The following MANBA variants were observed in gnomAD, a reference collection of about 807,000 sequenced individuals.
MANBA encodes mannosidase beta, also known as beta-mannosidase.
In MANBA, 83 loss-of-function variants were observed where a neutral mutation model predicts 111.1. That is an observed-to-expected ratio of 0.75 (90% confidence interval 0.63 to 0.90). The LOEUF (loss-of-function observed/expected upper bound fraction) is 0.90, where lower values mean the gene tolerates loss of function less well. MANBA is among the 40% of genes least tolerant of loss of function. The pLI, the probability that MANBA is intolerant of heterozygous loss-of-function variation, is 0.00. For synonymous variants in MANBA, 370 were observed against 378.7 expected, an observed-to-expected ratio of 0.98 and a Z score of 0.27; for missense variants, 1,036 against 1,069.0, an observed-to-expected ratio of 0.97 and a Z score of 0.43.
intron 4 of MANBA, among the ~76,000 whole-genome samples, chr4:102,717,316 CA>C (rs1722378284): frequency 6.9e-6 from 1 of 145,576 alleles, no homozygotes; most frequent in Admixed American, 7.0e-5. Context: ...AGGCAGGGAA[CA>C]TACAGTGAGA....
intron 1 of MANBA, among the ~76,000 whole-genome samples, chr4:102,747,389 T>A (rs1723628973): frequency 6.6e-6 from 1 of 152,194 alleles, no homozygotes; most frequent in African/African-American, 2.4e-5. Context: ...TGCTTTTTAT[T>A]CTGGCTTTGC....
At position 102,650,560 on chromosome 4, in the gene MANBA, T is replaced by C. The variant is rs772091430; in HGVS notation, c.1846A>G (p.Lys616Glu). 3.7e-6 allele frequency: 6 copies of C among 1,613,300 alleles called. No individual in the cohort carries two copies. The East Asian group carries it at 1.1e-4, about 30-fold the overall frequency. The change falls in exon 13 of 17, where the codon AAA (lysine) becomes GAA (glutamate). Residue 616 changes from lysine (K) to glutamate (E), a missense_variant. Coordinates refer to ENST00000647097, the MANE Select transcript of MANBA (RefSeq NM_005908.4). ...PQSTDPLRTF[K>E]DTIYLTQVMQ... ...ACCTGAGTAAGGTAGATGGTATCTT[T>C]AAATGTGCGTAATGGATCTGTGCTT...
At chr4:102,643,357 C>A (rs1334062626) in intron 13 of MANBA, among the ~76,000 whole-genome samples, 1 of 152,178 alleles carries the variant, frequency 6.6e-6, no homozygotes, top group East Asian at 1.9e-4. Flanking sequence ...TGCTATGAAT[C>A]TGTGAACAGG....
chr4:102,700,154 T>G (rs1456100080), intron 5 of MANBA, among the ~76,000 whole-genome samples: 1 of 117,488 alleles, frequency 8.5e-6, no homozygotes, highest in East Asian at 2.3e-4. Context: ...GTAGAGGTGT[T>G]TGTAGTATTC....
rs73836859 is a variant in MANBA at position 102,751,614 on chromosome 4, C to G, written c.177+9104G>C. 960 of 540,588 alleles carry G rather than the reference C, an allele frequency of 1.8e-3. 5 individuals carry two copies. Among genetic ancestry groups the G allele is most frequent in the African/African-American group, 0.011 (579 of 52,128 alleles). 33.5% of individuals were successfully genotyped at this position (540,588 alleles called of 1,614,324 possible). ...AATGTCCTTGGTCAAACACATGGAA[C>G]TGGAGAACATGTCATCAGAAGTAGT... On this transcript the variant is annotated intron_variant, in intron 1 of 16. Transcript: ENST00000647097.
chr4:102,634,438 A>C (rs1729522573), intron 16 of MANBA, among the ~76,000 whole-genome samples: 1 of 152,098 alleles, frequency 6.6e-6, no homozygotes, highest in African/African-American at 2.4e-5. Flanking sequence ...AGCTGTGGTG[A>C]AAGTCAGAGA....
intron 1 of MANBA, chr4:102,727,436 A>G (rs1722852609): frequency 3.8e-6 from 5 of 1,298,924 alleles, no homozygotes; most frequent in Non-Finnish European, 4.5e-6. Context: ...GTATAGGCCA[A>G]TTGCACATGG....
chr4:102,664,493 C>T lies in MANBA; in HGVS notation c.1485+192G>A, dbSNP rs571646599. Reference sequence around the variant, plus strand: ...CCTCCCGAGTAGCTGGGACTACAGGCGCCCGCCACCGCGCCCAGCTAATTT... The same window carrying T: ...CCTCCCGAGTAGCTGGGACTACAGGTGCCCGCCACCGCGCCCAGCTAATTT... On this transcript the variant is annotated intron_variant, in intron 11 of 16. Coordinates refer to ENST00000647097, the MANE Select transcript of MANBA (RefSeq NM_005908.4). Among the ~76,000 whole-genome samples, 116 of 152,244 alleles carry T rather than the reference C, an allele frequency of 7.6e-4. 1 individual carries two copies. Among genetic ancestry groups the T allele is most frequent in the African/African-American group, 2.6e-3 (107 of 41,540 alleles).
At chr4:102,733,660 G>T (rs150043416) in intron 1 of MANBA, among the ~76,000 whole-genome samples, 2 of 152,220 alleles carry the variant, frequency 1.3e-5, no homozygotes, top group African/African-American at 4.8e-5. Flanking sequence ...CACACTGGCC[G>T]GTTCTCTCTG....
intron 2 of MANBA, among the ~76,000 whole-genome samples, chr4:102,725,280 A>G (rs900749779): frequency 6.6e-6 from 1 of 152,134 alleles, no homozygotes; most frequent in Non-Finnish European, 1.5e-5. Flanking sequence ...TTTTTTTAAA[A>G]CTAGGTAGAA....
chr4:102,674,286 T>C (rs967756338), intron 7 of MANBA, among the ~76,000 whole-genome samples: 2 of 152,270 alleles, frequency 1.3e-5, no homozygotes, highest in African/African-American at 2.4e-5. Context: ...AAGAGAAATA[T>C]AGAAACCACT....
intron 1 of MANBA, among the ~76,000 whole-genome samples, chr4:102,741,650 A>G (rs1723408376): frequency 1.3e-5 from 2 of 152,236 alleles, no homozygotes; most frequent in Admixed American, 1.3e-4. Flanking sequence ...GGAGACCACT[A>G]TTCTAAGTGA....
At chr4:102,634,222 A>C (rs919601470) in intron 16 of MANBA, among the ~76,000 whole-genome samples, 19 of 152,208 alleles carry the variant, frequency 1.2e-4, no homozygotes, top group African/African-American at 4.3e-4. Flanking sequence ...TCCCATTTTT[A>C]TATCTTGGCA....
In MANBA at chr4:102,690,674, C is replaced by T. The variant is rs756924617; in HGVS notation, c.771G>A (p.Lys257=). ...VGGQVIVAIP[K]LQTQQTYSIE... ...TGCTGTATGTCTGTTGTGTTTGCAA[C>T]TTAGGGATGGCTACGATCACTTGAC... The change falls in exon 6 of 17, where the codon AAG becomes AAA. Residue 257 remains lysine (K), a synonymous_variant. Coordinates refer to ENST00000647097, the MANE Select transcript of MANBA (RefSeq NM_005908.4). 1.2e-6 allele frequency: 2 copies of T among 1,611,842 alleles called. No individual in the cohort carries two copies. The highest frequency in any genetic ancestry group is 4.5e-5 in the East Asian group (2 of 44,798).
At chr4:102,654,056 G>A (rs1730454037) in intron 12 of MANBA, among the ~76,000 whole-genome samples, 1 of 152,162 alleles carries the variant, frequency 6.6e-6, no homozygotes, top group Non-Finnish European at 1.5e-5. Flanking sequence ...TGCAGGGTGG[G>A]AGATCTATCT....
Position 102,751,896 on chromosome 4 carries a change from A to G in MANBA, c.177+8822T>C, listed in dbSNP as rs993541821. ...ATTTGTGAGTGCCTCTATGGATCCA[A>G]CTATTCTCTTATGGGAGTGGAATAG... On this transcript the variant is annotated intron_variant, in intron 1 of 16. Transcript: ENST00000647097. 9.9e-6 allele frequency: 6 copies of G among 605,020 alleles called. No homozygotes were observed. The Middle Eastern group carries it at 1.3e-3, about 127-fold the overall frequency. 37.5% of individuals were successfully genotyped at this position (605,020 alleles called of 1,614,324 possible).
chr4:102,719,293 CA>C (rs2110279103), intron 4 of MANBA, among the ~76,000 whole-genome samples: 2 of 152,302 alleles, frequency 1.3e-5, no homozygotes, highest in South Asian at 4.1e-4. Flanking sequence ...AGGCTTTCTG[CA>C]AGAAGATAAA....
chr4:102,729,201 G>C, intron 1 of MANBA: 1 of 727,574 alleles, frequency 1.4e-6, no homozygotes, highest in Non-Finnish European at 2.5e-6. Context: ...TCTGGCCTTT[G>C]AGGCCCTCAG....
At chr4:102,655,143 A>G (rs1275029755) in intron 12 of MANBA, among the ~76,000 whole-genome samples, 1 of 152,216 alleles carries the variant, frequency 6.6e-6, no homozygotes, top group Non-Finnish European at 1.5e-5. Context: ...AAGAAGCGTA[A>G]GACTGGTACA....
Sources: gnomAD v4.1 joint callset for allele counts (sites outside exome capture counted in the v4.1 genomes callset) on GRCh38, gnomAD v4.1.1 for gene constraint, MANE v1.5 for transcripts, NCBI Gene and HGNC (gene_info 2026-07-23, HGNC 2026-07-21) for gene names.